MOGAT2: variants seen among roughly 807,000 people sequenced by gnomAD.
MOGAT2 encodes the protein monoacylglycerol O-acyltransferase 2, also known as 2-acylglycerol O-acyltransferase 2.
Under a neutral mutation model 31.5 loss-of-function variants are expected in MOGAT2, and 27 were observed. The ratio of observed to expected loss-of-function variants is 0.86; its 90% CI spans 0.63 to 1.18. The LOEUF is 1.18. Among genes scored for constraint, MOGAT2 ranks in the 50% most tolerant of loss-of-function variants. The probability of loss-of-function intolerance (pLI) is 0.00; values close to 1 mark genes in which losing one functional copy is unlikely to be tolerated. For missense variants in MOGAT2, 436 were observed against 433.2 expected, an observed-to-expected ratio of 1.01 and a Z score of -0.06; for synonymous variants, 163 against 170.0, an observed-to-expected ratio of 0.96 and a Z score of 0.32.
chr11:75,730,024 C>T (rs574197314), intron 5 of MOGAT2, among the ~76,000 whole-genome samples: 2 of 152,264 alleles, frequency 1.3e-5, no homozygotes, highest in South Asian at 4.1e-4. Flanking sequence ...GGATTACAGG[C>T]ATAAGCCACC....
intron 2 of MOGAT2, among the ~76,000 whole-genome samples, chr11:75,724,462 C>A (rs539670575): frequency 6.6e-6 from 1 of 152,214 alleles, no homozygotes; most frequent in South Asian, 2.1e-4. Context: ...GTGGGAGGGC[C>A]TGTGTCTAGG....
chr11:75,725,299 C>T (rs1300992430), intron 2 of MOGAT2, among the ~76,000 whole-genome samples: 2 of 152,096 alleles, frequency 1.3e-5, no homozygotes, highest in Non-Finnish European at 2.9e-5. Flanking sequence ...CACACCTGTA[C>T]TTTGGGAGGC....
Position 75,730,929 on chromosome 11 carries a change from A to G in MOGAT2, c.851-203A>G, listed in dbSNP as rs1461151995. On this transcript the variant is annotated intron_variant, in intron 5 of 5. Coordinates refer to ENST00000198801, the MANE Select transcript of MOGAT2 (RefSeq NM_025098.4). Reference sequence around the variant, plus strand: ...GACTCTACCTCAAAAAAAAAAAAAAAGAAAAGAAAAGAAAAGGAAGAAAGA... The same window carrying G: ...GACTCTACCTCAAAAAAAAAAAAAAGGAAAAGAAAAGAAAAGGAAGAAAGA... 1.1e-4 allele frequency: 20 copies of G among 189,848 alleles called. 1 individual carries two copies. Among genetic ancestry groups the G allele is most frequent in the East Asian group, 6.1e-4 (5 of 8,196 alleles). The allele number at this position is 189,848 out of a possible 1,614,324, so 11.8% of individuals were successfully genotyped here.
chr11:75,730,922 AAAAAAAAG>A lies in MOGAT2; in HGVS notation c.851-205_851-198del, dbSNP rs923848494. 1.0e-4 allele frequency: 32 copies of A among 313,078 alleles called. No homozygotes were observed. The Middle Eastern group carries it at 3.7e-3, about 36-fold the overall frequency. The allele number at this position is 313,078 out of a possible 1,614,324, so 19.4% of individuals were successfully genotyped here. A position where few individuals can be genotyped will look rare whatever the true frequency, so the allele number is the denominator to read the frequency against. Reference sequence around the variant, plus strand: ...AGAGCGAGACTCTACCTCAAAAAAAAAAAAAAAGAAAAGAAAAGAAAAGGAAGAAAGAA... The same window carrying A: ...AGAGCGAGACTCTACCTCAAAAAAAAAAAAGAAAAGAAAAGGAAGAAAGAA... On this transcript the variant is annotated intron_variant, in intron 5 of 5. Transcript: ENST00000198801.
intron 2 of MOGAT2, among the ~76,000 whole-genome samples, chr11:75,721,388 T>C (rs1168061437): frequency 1.3e-5 from 2 of 152,074 alleles, no homozygotes; most frequent in Non-Finnish European, 2.9e-5. Context: ...GTTCAAGCAA[T>C]TCTCCTACCT....
In MOGAT2 at chr11:75,728,966, A is replaced by C. The variant is rs1167350620; in HGVS notation, c.827A>C (p.Tyr276Ser). Residue 276 changes from tyrosine to serine, a missense_variant, in exon 5 of 6, where the codon TAC becomes TCC. Tyr to Ser is a moderately radical substitution (Grantham distance 144). Transcript: ENST00000198801. ...CAGTACAGCTTTGGTTTAATACCCT[A>C]CCGCCGGCCCATCACCACTGTGGGT... is the stretch of plus-strand genomic sequence containing the variant. Reference protein sequence around the residue: ...VFQYSFGLIPYRRPITTVVGK... With the variant: ...VFQYSFGLIPSRRPITTVVGK... 1.9e-6 allele frequency: 3 copies of C among 1,613,794 alleles called. No homozygotes were observed. Among genetic ancestry groups the C allele is most frequent in the Non-Finnish European group, 2.5e-6 (3 of 1,180,030 alleles).
intron 5 of MOGAT2, among the ~76,000 whole-genome samples, chr11:75,730,751 A>G (rs1565302814): frequency 6.6e-6 from 1 of 152,014 alleles, no homozygotes; most frequent in Non-Finnish European, 1.5e-5. Context: ...TCTACTAAAA[A>G]TACAAAAATT....
At position 75,720,109 on chromosome 11, in the gene MOGAT2, A is replaced by G; in HGVS notation, c.209A>G (p.His70Arg). ...GACAAGCCACGGCAGGGGGGCCGGC[A>G]CATCCAGGCCATCAGGTGCTGGACT... ...DRDKPRQGGRHIQAIRCWTIW... is the reference protein window; with the variant it reads ...DRDKPRQGGRRIQAIRCWTIW... Residue 70 changes from histidine (H) to arginine (R), a missense_variant, in exon 2 of 6, where the codon CAC becomes CGC. His to Arg is a conservative substitution (Grantham distance 29). Transcript: ENST00000198801. The G allele has an allele frequency of 1.9e-6, 3 of 1,614,036 alleles. No homozygotes were observed. Among genetic ancestry groups the G allele is most frequent in the South Asian group, 2.2e-5 (2 of 91,038 alleles).
intron 5 of MOGAT2, among the ~76,000 whole-genome samples, chr11:75,729,420 G>A (rs1211103140): frequency 2.0e-5 from 3 of 152,010 alleles, no homozygotes; most frequent in Admixed American, 6.6e-5. Flanking sequence ...GACTACAGTC[G>A]CTCGCCACAA....
At chr11:75,727,665 T>G in intron 3 of MOGAT2, 26 bp downstream of exon 3, 1 of 1,593,044 alleles carries the variant, frequency 6.3e-7, no homozygotes, top group Non-Finnish European at 8.6e-7. Context: ...CCTGAGCAGC[T>G]CAGGAAGGTA....
At chr11:75,728,638 T>C (rs1290765328) in intron 4 of MOGAT2, 152 bp from the exon 5 acceptor site, 4 of 661,670 alleles carry the variant, frequency 6.0e-6, no homozygotes, top group Non-Finnish European at 1.1e-5. Context: ...TGTGAAGGTC[T>C]GGGAGATAAC....
At chr11:75,718,246 A>T (rs1944346899) in intron 1 of MOGAT2, among the ~76,000 whole-genome samples, 2 of 152,162 alleles carry the variant, frequency 1.3e-5, no homozygotes, top group Admixed American at 1.3e-4. Context: ...TGGCACTTGG[A>T]TGAAGACCAG....
chr11:75,722,281 C>T (rs758282237), intron 2 of MOGAT2, among the ~76,000 whole-genome samples: 1 of 152,198 alleles, frequency 6.6e-6, no homozygotes, highest in African/African-American at 2.4e-5. Context: ...TTTCCTGCCT[C>T]TCCTCTCTCC....
At chr11:75,720,821 G>A (rs1944370462) in intron 2 of MOGAT2, among the ~76,000 whole-genome samples, 1 of 152,050 alleles carries the variant, frequency 6.6e-6, no homozygotes, top group Admixed American at 6.6e-5. Context: ...CAAATCTCTG[G>A]CTTTCCGACT....
At chr11:75,728,219 C>T (rs1427518066) in intron 4 of MOGAT2, 75 bp downstream of exon 4, 12 of 1,442,982 alleles carry the variant, frequency 8.3e-6, no homozygotes, top group East Asian at 2.4e-5. Context: ...GGGAAGATGG[C>T]AGAGACGAAT....
intron 5 of MOGAT2, among the ~76,000 whole-genome samples, chr11:75,729,401 A>T (rs1414971924): frequency 6.6e-6 from 1 of 152,202 alleles, no homozygotes; most frequent in Admixed American, 6.5e-5. Flanking sequence ...CAGCCTCCTG[A>T]GTAGCTGGGA....
In MOGAT2 at chr11:75,718,801, G is replaced by A. The variant is rs1590836402; in HGVS notation, c.91+822G>A. ...GGTCTGGATCTGTGGCTTGGGAAGG[G>A]AGAATGACTAGGAGTCCGTGGGGTT... On this transcript the variant is annotated intron_variant, in intron 1 of 5. Coordinates refer to ENST00000198801, the MANE Select transcript of MOGAT2 (RefSeq NM_025098.4). Among the ~76,000 whole-genome samples, 3 of 152,274 alleles carry A rather than the reference G, an allele frequency of 2.0e-5. No individual in the cohort carries two copies. The South Asian group carries it at 6.2e-4, about 32-fold the overall frequency.
At chr11:75,729,620 A>T (rs1944456142) in intron 5 of MOGAT2, among the ~76,000 whole-genome samples, 1 of 152,000 alleles carries the variant, frequency 6.6e-6, no homozygotes, top group African/African-American at 2.4e-5. Flanking sequence ...TTGATGGTAA[A>T]CTGGGGCTCA....
rs747608066 is a variant in MOGAT2, at chr11:75,727,943, A to T, written c.476-27A>T. The T allele has an allele frequency of 1.9e-6, 3 of 1,580,516 alleles. No individual in the cohort carries two copies. The South Asian group carries it at 3.5e-5, about 18-fold the overall frequency. ...CATAGCCCCTGCTCCCTCACCCCAT[A>T]CCTGACCCACTTTTCTCTTTCCCTA... On this transcript the variant is annotated intron_variant, in intron 3 of 5. Coordinates refer to ENST00000198801, the MANE Select transcript of MOGAT2 (RefSeq NM_025098.4).
Sources: gnomAD v4.1 joint callset for allele counts (sites outside exome capture counted in the v4.1 genomes callset) on GRCh38, gnomAD v4.1.1 for gene constraint, MANE v1.5 for transcripts, NCBI Gene and HGNC (gene_info 2026-07-23, HGNC 2026-07-21) for gene names.